ZDHHC15: variants seen among roughly 807,000 people sequenced by gnomAD.
The protein encoded by ZDHHC15 is zDHHC palmitoyltransferase 15.
A neutral mutation model predicts 31.7 loss-of-function variants in ZDHHC15; 19 were observed. That is an observed-to-expected ratio of 0.60 (90% CI 0.42 to 0.88). The LOEUF is 0.88. ZDHHC15 is among the 40% of genes least tolerant of loss of function. ZDHHC15 has a pLI of 0.00. For synonymous variants in ZDHHC15, 103 were observed against 90.0 expected (o/e 1.14, Z -0.82); for missense variants, 209 against 251.2 (o/e 0.83, Z 1.14).
chrX:75,445,775 C>G (rs1211008709), intron 4 of ZDHHC15, among the ~76,000 whole-genome samples: 4 of 111,524 alleles, frequency 3.6e-5, no homozygotes, highest in Non-Finnish European at 3.8e-5. Flanking sequence ...TGGGAAGACC[C>G]TTATGAAGCC....
chrX:75,486,580 T>C (rs1193266624), intron 2 of ZDHHC15, among the ~76,000 whole-genome samples: 2 of 112,132 alleles, frequency 1.8e-5, no homozygotes. Context: ...GGGAGGCTTG[T>C]AGCCTGGGGC....
At chrX:75,476,184 T>C (rs1341403367) in intron 3 of ZDHHC15, among the ~76,000 whole-genome samples, 1 of 111,270 alleles carries the variant, frequency 9.0e-6, no homozygotes, top group Non-Finnish European at 1.9e-5. Context: ...TACTTCTTCC[T>C]GTTCAATTTC....
At chrX:75,411,224 T>G (rs1251762248) in intron 10 of ZDHHC15, among the ~76,000 whole-genome samples, 1 of 110,361 alleles carries the variant, frequency 9.1e-6, no homozygotes, top group African/African-American at 3.3e-5. Flanking sequence ...CATTTTTTTT[T>G]TTGAGATGGA....
At chrX:75,418,241 G>T (rs1436575973) in intron 9 of ZDHHC15, among the ~76,000 whole-genome samples, 1 of 111,660 alleles carries the variant, frequency 9.0e-6, no homozygotes, top group Non-Finnish European at 1.9e-5. Context: ...TGAAATACAT[G>T]AGTCTTTAAA....
intron 10 of ZDHHC15, among the ~76,000 whole-genome samples, chrX:75,403,424 GAGA>G (rs1602570020): frequency 8.9e-6 from 1 of 111,975 alleles, no homozygotes; most frequent in Non-Finnish European, 1.9e-5. Context: ...CAAATAGGAA[GAGA>G]AGAAGTCAAA....
chrX:75,485,936 C>A (rs1569355469), intron 2 of ZDHHC15, among the ~76,000 whole-genome samples: 2 of 111,908 alleles, frequency 1.8e-5, no homozygotes, highest in African/African-American at 6.5e-5. Context: ...AGACAGGAGA[C>A]AAAACTAATG....
intron 10 of ZDHHC15, among the ~76,000 whole-genome samples, chrX:75,385,217 C>T (rs1331620436): frequency 8.9e-6 from 1 of 111,878 alleles, no homozygotes; most frequent in Admixed American, 9.5e-5. Flanking sequence ...AAAGGCCTCT[C>T]ATCTCTGAAC....
At chrX:75,373,702 G>GTA (rs774875273) in intron 11 of ZDHHC15, among the ~76,000 whole-genome samples, 2 of 109,933 alleles carry the variant, frequency 1.8e-5, no homozygotes, top group African/African-American at 3.3e-5. Context: ...TACATAGTAG[G>GTA]TATATATATA....
rs777827532 is a variant in ZDHHC15, at chrX:75,372,507, T to C, written c.*471A>G. ...ACACTATAGCAGAATTTTGTATAGA[T>C]ATGCTGTACGTGTTCACAAATGCAC... On this transcript the variant is annotated 3_prime_UTR_variant, in exon 12 of 12. Transcript: ENST00000373367. 8.9e-6 allele frequency: 1 copy of C among 111,740 alleles called. No homozygotes were observed. Among genetic ancestry groups the C allele is most frequent in the South Asian group, 3.7e-4 (1 of 2,707 alleles). The allele number at this position is 111,740 out of a possible 1,213,427, so 9.2% of individuals were successfully genotyped here. A position where few individuals can be genotyped will look rare whatever the true frequency, so the allele number is the denominator to read the frequency against.
In ZDHHC15 at chrX:75,433,656, AGTGT is replaced by A. The variant is rs138064587; in HGVS notation, c.380-2140_380-2137del. On this transcript the variant is annotated intron_variant, in intron 4 of 11. Coordinates refer to ENST00000373367, the MANE Select transcript of ZDHHC15 (RefSeq NM_144969.3). ...TAGTGTATATTTTTTATGGCTGAGTAGTGTGTGTGTGTGTGTGTGTGTGTGTGTG... is the reference window on the plus strand; with the variant it reads ...TAGTGTATATTTTTTATGGCTGAGTAGTGTGTGTGTGTGTGTGTGTGTGTG... Among the ~76,000 whole-genome samples, 242 of 53,500 alleles carry A rather than the reference AGTGT, an allele frequency of 4.5e-3. 2 individuals are homozygous for A. The highest frequency in any genetic ancestry group is 0.012 in the African/African-American group (230 of 18,632). 46.5% of individuals were successfully genotyped at this position (53,500 alleles called of 115,157 possible).
intron 2 of ZDHHC15, among the ~76,000 whole-genome samples, chrX:75,490,295 C>A (rs1325903258): frequency 9.0e-6 from 1 of 111,420 alleles, no homozygotes; most frequent in African/African-American, 3.3e-5. Context: ...TTGTCAGATT[C>A]ACCAAAGTTG....
At chrX:75,452,208 G>GA (rs139024642) in intron 3 of ZDHHC15, among the ~76,000 whole-genome samples, 2,274 of 84,950 alleles carry the variant, frequency 0.027, 43 homozygotes, top group South Asian at 0.087. Flanking sequence ...AATAGAAAGC[G>GA]AAAAAAAAAA....
At chrX:75,514,267 A>C (rs755873007) in intron 1 of ZDHHC15, among the ~76,000 whole-genome samples, 2 of 112,828 alleles carry the variant, frequency 1.8e-5, no homozygotes, top group Admixed American at 1.9e-4. Context: ...ATCTAATTTA[A>C]AGGAAAAAAT....
chrX:75,428,107 A>T (rs1189864765), intron 7 of ZDHHC15, among the ~76,000 whole-genome samples: 1 of 110,544 alleles, frequency 9.0e-6, no homozygotes, highest in African/African-American at 3.3e-5. Context: ...TATTCATGTT[A>T]TATAGGCTTT....
intron 3 of ZDHHC15, among the ~76,000 whole-genome samples, chrX:75,463,288 A>G (rs2084349049): frequency 9.0e-6 from 1 of 111,366 alleles, no homozygotes; most frequent in East Asian, 2.8e-4. Context: ...AAAAAAGCCC[A>G]GGACCAGATG....
At chrX:75,464,989 C>G (rs770510310) in intron 3 of ZDHHC15, among the ~76,000 whole-genome samples, 2 of 111,720 alleles carry the variant, frequency 1.8e-5, no homozygotes, top group African/African-American at 3.3e-5. Flanking sequence ...AAAGGGCATT[C>G]AAATAGGAAT....
chrX:75,421,269 TCA>T (rs2083624632), intron 9 of ZDHHC15, among the ~76,000 whole-genome samples: 1 of 96,639 alleles, frequency 1.0e-5, no homozygotes, highest in Admixed American at 1.2e-4. Context: ...ATGTTTTTAA[TCA>T]CAGTGTATTG....
At chrX:75,516,188 C>T (rs1243518987) in intron 1 of ZDHHC15, among the ~76,000 whole-genome samples, 1 of 111,554 alleles carries the variant, frequency 9.0e-6, no homozygotes, top group East Asian at 2.8e-4. Context: ...CAATGCCATC[C>T]CCATCGAGCT....
At chrX:75,506,898 T>A (rs1379974453) in intron 1 of ZDHHC15, among the ~76,000 whole-genome samples, 2 of 112,030 alleles carry the variant, frequency 1.8e-5, no homozygotes, top group Non-Finnish European at 3.8e-5. Flanking sequence ...CCTGGCTGAA[T>A]ACTTGCAGCT....
Sources: gnomAD v4.1 joint callset for allele counts (sites outside exome capture counted in the v4.1 genomes callset) on GRCh38, gnomAD v4.1.1 for gene constraint, MANE v1.5 for transcripts, NCBI Gene and HGNC (gene_info 2026-07-23, HGNC 2026-07-21) for gene names.